CCDC120: variants seen among roughly 807,000 people sequenced by gnomAD.
The protein encoded by CCDC120 is coiled-coil domain containing 120.
A neutral mutation model predicts 37.6 loss-of-function variants in CCDC120; 16 were observed. That is an observed-to-expected ratio of 0.43 (90% CI 0.29 to 0.65). CCDC120 has a LOEUF of 0.65. Among genes scored for constraint, CCDC120 ranks in the 30% least tolerant of loss-of-function variants. CCDC120 has a pLI of 0.18. For missense variants in CCDC120, 650 were observed against 657.4 expected (o/e 0.99, Z 0.12); for synonymous variants, 309 against 275.4 (o/e 1.12, Z -1.21).
Position 49,062,053 on chromosome X carries a change from A to T in CCDC120, c.12A>T (p.Glu4Asp). 1 of 1,156,472 alleles carries T rather than the reference A, an allele frequency of 8.6e-7. No homozygotes were observed. The highest frequency in any genetic ancestry group is 1.1e-6 in the Non-Finnish European group (1 of 872,870). MRR[E>D]PRYQGQVGPD... ...TGTGCTCTCACTCAATGCGAAGGGA[A>T]CCAAGGTACCAGGGCCAAGTGGGTC... The change falls in exon 2 of 11, where the codon GAA becomes GAT. Residue 4 changes from glutamate to aspartate, a missense_variant. Physicochemically the swap from Glu to Asp is conservative, Grantham distance 45. Around this residue, in one of 3 missense-constraint regions of CCDC120, gnomAD observed 64 missense variants for 65.2 expected, o/e 0.98. Transcript: ENST00000603986.
At chrX:49,065,654 C>T (rs782035630) in intron 8 of CCDC120, 26 bp downstream of exon 8, 11 of 1,206,707 alleles carry the variant, frequency 9.1e-6, no homozygotes, top group East Asian at 3.0e-5. Context: ...TCCTCCCCTC[C>T]GCAGGAGCTG....
rs782290882 is a variant in CCDC120, at chrX:49,066,829, C to T, written c.1062-347C>T. 46 of 205,287 alleles carry T rather than the reference C, an allele frequency of 2.2e-4. No homozygotes were observed. In the Admixed American group the frequency reaches 2.4e-3, roughly 11 times the overall value. 16.9% of individuals were successfully genotyped at this position (205,287 alleles called of 1,213,427 possible). A position where few individuals can be genotyped will look rare whatever the true frequency, so the allele number is the denominator to read the frequency against. ...CTGGAGGCCGTGCGAGCCATGAGAACGGCCTTAGCAGGGGGAGGGGTCAGC... is the reference window on the plus strand; with the variant it reads ...CTGGAGGCCGTGCGAGCCATGAGAATGGCCTTAGCAGGGGGAGGGGTCAGC... On this transcript the variant is annotated intron_variant, in intron 9 of 10. Transcript: ENST00000603986.
chrX:49,067,130 C>G (rs1383772771), intron 9 of CCDC120, 46 bp from the exon 10 acceptor site: 1 of 1,140,456 alleles, frequency 8.8e-7, no homozygotes, highest in Non-Finnish European at 1.2e-6. Flanking sequence ...CGCCTTCTGC[C>G]TGATTTTTCT....
At chrX:49,053,726 G>A (rs1557078004) in exon 1 of CCDC120, 1 of 113,048 alleles carries the variant, frequency 8.8e-6, no homozygotes, top group African/African-American at 3.2e-5. Flanking sequence ...ACGGCTAACG[G>A]TAGCGCAGCC....
At chrX:49,053,826 C>CCCGG (rs1176394905) in exon 1 of CCDC120, 20 of 112,873 alleles carry the variant, frequency 1.8e-4, no homozygotes, top group African/African-American at 5.8e-4. Flanking sequence ...CGTCCACTGC[C>CCCGG]CCGGCCGGCC....
At position 49,064,616 on chromosome X, in the gene CCDC120, A is replaced by G; in HGVS notation, c.676A>G (p.Thr226Ala). The G allele has an allele frequency of 8.4e-7, 1 of 1,195,607 alleles. No homozygotes were observed. Among genetic ancestry groups the G allele is most frequent in the Non-Finnish European group, 1.1e-6 (1 of 886,957 alleles). The change falls in exon 6 of 11, where the codon ACC becomes GCC. Residue 226 changes from threonine (T) to alanine (A), a missense_variant. Physicochemically the swap from Thr to Ala is moderately conservative, Grantham distance 58. Coordinates refer to ENST00000603986, the MANE Select transcript of CCDC120 (RefSeq NM_001163321.4). ...GCCACTGTCCACGGGGTCAGTGATC[A>G]CCACCCAGGGAGTCTGCCTGGGCAT... ...PLPLSTGSVI[T>A]TQGVCLGMRL...
rs2064989618 is a variant in CCDC120, at chrX:49,068,768, C to T, written c.*110C>T. 3 of 778,183 alleles carry T rather than the reference C, an allele frequency of 3.9e-6. No individual in the cohort carries two copies. The highest frequency in any genetic ancestry group is 2.2e-5 in the African/African-American group (1 of 45,939). 64.1% of individuals were successfully genotyped at this position (778,183 alleles called of 1,213,427 possible). A position where few individuals can be genotyped will look rare whatever the true frequency, so the allele number is the denominator to read the frequency against. ...GTTGCTCTCAGTCCTGAGCAGAGTG[C>T]GCCAACCTAATCTTCCAAGGCCCCT... On this transcript the variant is annotated 3_prime_UTR_variant, in exon 11 of 11. Coordinates refer to ENST00000603986, the MANE Select transcript of CCDC120 (RefSeq NM_001163321.4).
At chrX:49,064,073 G>A (rs1436238367) in intron 5 of CCDC120, 72 bp downstream of exon 5, 22 of 1,100,272 alleles carry the variant, frequency 2.0e-5, no homozygotes, top group Non-Finnish European at 2.4e-5. Flanking sequence ...CAGGAGGAAG[G>A]TGTGGGGAGG....
At chrX:49,065,900 C>G in intron 9 of CCDC120, 55 bp downstream of exon 9, 1 of 1,045,425 alleles carries the variant, frequency 9.6e-7, no homozygotes, top group Non-Finnish European at 1.3e-6. Flanking sequence ...ACCATTAGTT[C>G]TCACTGGAAG....
Position 49,053,773 on chromosome X carries a change from G to C in CCDC120, c.-306G>C, listed in dbSNP as rs1040476975. On this transcript the variant is annotated 5_prime_UTR_variant, in exon 1 of 10. Coordinates refer to the CCDC120 transcript ENST00000597275. ...ACGGGCAGGGCGCCGAAGAGGAGCA[G>C]GCGCGCGCCCGGGGACGAGCAGGGC... 3.5e-5 allele frequency: 4 copies of C among 113,077 alleles called. No homozygotes were observed. In the East Asian group the frequency reaches 1.1e-3, roughly 32 times the overall value. The allele number at this position is 113,077 out of a possible 1,213,427, so 9.3% of individuals were successfully genotyped here. A position where few individuals can be genotyped will look rare whatever the true frequency, so the allele number is the denominator to read the frequency against.
intron 2 of CCDC120, 56 bp from the exon 3 acceptor site, chrX:49,062,179 G>C (rs782048298): frequency 2.3e-5 from 27 of 1,176,733 alleles, no homozygotes; most frequent in Non-Finnish European, 3.1e-5. Flanking sequence ...GGAAGGGCTG[G>C]GGGTTGGGGT....
chrX:49,060,027 G>T (rs951464316), intron 1 of CCDC120, among the ~76,000 whole-genome samples: 10 of 112,563 alleles, frequency 8.9e-5, no homozygotes, highest in Non-Finnish European at 1.9e-4. Flanking sequence ...GTGACCCCAT[G>T]ACTCATACTC....
In CCDC120 at chrX:49,068,827, C is replaced by T. The variant is rs781933120; in HGVS notation, c.*169C>T. On this transcript the variant is annotated 3_prime_UTR_variant, in exon 11 of 11. Coordinates refer to ENST00000603986, the MANE Select transcript of CCDC120 (RefSeq NM_001163321.4). ...GTAGGCCCAGGAAGGTGTCTGACAC[C>T]CTGCTTCTTCTCTCACACTGTGCTG... is the stretch of plus-strand genomic sequence containing the variant. 4 of 394,266 alleles carry T rather than the reference C, an allele frequency of 1.0e-5. No individual in the cohort carries two copies. Among genetic ancestry groups the T allele is most frequent in the African/African-American group, 7.8e-5 (3 of 38,297 alleles). The allele number at this position is 394,266 out of a possible 1,213,427, so 32.5% of individuals were successfully genotyped here.
At chrX:49,060,466 A>C (rs1198246988) in intron 1 of CCDC120, among the ~76,000 whole-genome samples, 1 of 103,588 alleles carries the variant, frequency 9.7e-6, no homozygotes, top group Admixed American at 1.1e-4. Flanking sequence ...GAATCGAAGC[A>C]GCCCAGCATG....
intron 9 of CCDC120, chrX:49,066,885 T>C (rs2064960981): frequency 3.3e-6 from 1 of 302,723 alleles, no homozygotes. Context: ...GCCCGGCATC[T>C]ACTCTGCTAG....
rs1293865958 is a variant in CCDC120 at position 49,067,938 on chromosome X, C to T, written c.1824C>T (p.Pro608=). ...GGAACTCGGGACTGGCTGCGGGGCC[C>T]CAGCGCCGGCCTGTGCTCCCTTCCG... ...YIRNSGLAAG[P]QRRPVLPSVG... The change falls in exon 10 of 11, where the codon CCC becomes CCT. Residue 608 remains proline (P), a synonymous_variant. Coordinates refer to ENST00000603986, the MANE Select transcript of CCDC120 (RefSeq NM_001163321.4). 1.1e-5 allele frequency: 12 copies of T among 1,142,627 alleles called. No homozygotes were observed. The highest frequency in any genetic ancestry group is 1.4e-5 in the Non-Finnish European group (12 of 859,382). 94.2% of individuals were successfully genotyped at this position (1,142,627 alleles called of 1,213,427 possible). A position where few individuals can be genotyped will look rare whatever the true frequency, so the allele number is the denominator to read the frequency against.
upstream of CCDC120, among the ~76,000 whole-genome samples, chrX:49,056,227 G>A: frequency 9.0e-6 from 1 of 111,688 alleles, no homozygotes; most frequent in South Asian, 3.7e-4. Flanking sequence ...GTTGGATCAT[G>A]AGGGAAACAG....
In CCDC120 at chrX:49,067,563, C is replaced by G. The variant is rs1557081734; in HGVS notation, c.1449C>G (p.Ser483=). The change falls in exon 10 of 11, where the codon TCC becomes TCG. Residue 483 remains serine, a synonymous_variant. Transcript: ENST00000603986. ...GTGGAGACTTCCTCTTGGACTATTC[C>G]TTGGACCGGGGCCTGCCCCGCAGTG... ...PVCGDFLLDY[S]LDRGLPRSGG... The G allele has an allele frequency of 8.5e-7, 1 of 1,172,812 alleles. No individual in the cohort carries two copies. Among genetic ancestry groups the G allele is most frequent in the Non-Finnish European group, 1.1e-6 (1 of 873,604 alleles).
At chrX:49,058,273 G>A (rs1557078734), upstream of CCDC120, among the ~76,000 whole-genome samples, 2 of 112,054 alleles carry the variant, frequency 1.8e-5, no homozygotes, top group Admixed American at 1.9e-4. Flanking sequence ...TTGATTTATT[G>A]AGATTATTTC....
Sources: gnomAD v4.1 joint callset for allele counts (sites outside exome capture counted in the v4.1 genomes callset) on GRCh38, gnomAD v4.1.1 for gene constraint, gnomAD v4.1.1 regional missense constraint, MANE v1.5 for transcripts, NCBI Gene and HGNC (gene_info 2026-07-23, HGNC 2026-07-21) for gene names.